MSRB3: variants seen among roughly 807,000 people sequenced by gnomAD.
MSRB3 encodes methionine sulfoxide reductase B3.
A neutral mutation model predicts 21.0 loss-of-function variants in MSRB3; 13 were observed. The observed-to-expected ratio is 0.62, with a 90% CI of 0.40 to 0.98. MSRB3 has a LOEUF of 0.98. Among genes scored for constraint, MSRB3 ranks in the 50% least tolerant of loss-of-function variants. The pLI, the probability that MSRB3 is intolerant of heterozygous loss-of-function variation, is 0.00. For missense variants in MSRB3, 199 were observed against 230.3 expected (o/e 0.86, Z 0.88); for synonymous variants, 87 against 88.6 (o/e 0.98, Z 0.10).
chr12:65,336,248 G>A (rs1875754774), intron 4 of MSRB3, among the ~76,000 whole-genome samples: 1 of 152,130 alleles, frequency 6.6e-6, no homozygotes, highest in Non-Finnish European at 1.5e-5. Flanking sequence ...AGAAAGAAAA[G>A]AACATAAAAG....
chr12:65,400,095 A>G (rs1171684437), intron 5 of MSRB3, among the ~76,000 whole-genome samples: 1 of 152,138 alleles, frequency 6.6e-6, no homozygotes, highest in Admixed American at 6.5e-5. Flanking sequence ...AGGTTTTGGT[A>G]TGAGGATGAT....
chr12:65,289,368 C>T (rs1442734444), intron 1 of MSRB3, among the ~76,000 whole-genome samples: 1 of 152,116 alleles, frequency 6.6e-6, no homozygotes, highest in Non-Finnish European at 1.5e-5. Context: ...GTGGCACGTG[C>T]CTGTAGTCCC....
Position 65,463,563 on chromosome 12 carries a change from C to T in MSRB3, c.*241C>T. 2.0e-6 allele frequency: 1 copy of T among 502,210 alleles called. No homozygotes were observed. Among genetic ancestry groups the T allele is most frequent in the Non-Finnish European group, 3.5e-6 (1 of 282,474 alleles). The allele number at this position is 502,210 out of a possible 1,614,324, so 31.1% of individuals were successfully genotyped here. ...CAGCTTTGTGAAACTTCTTCACAAG[C>T]CACTTATACCCTTTGGCATTCTTTT... On this transcript the variant is annotated 3_prime_UTR_variant, in exon 7 of 7. Coordinates refer to ENST00000308259, the MANE Select transcript of MSRB3 (RefSeq NM_001031679.3).
At chr12:65,398,107 C>T (rs1054435796) in intron 5 of MSRB3, among the ~76,000 whole-genome samples, 4 of 152,260 alleles carry the variant, frequency 2.6e-5, no homozygotes, top group South Asian at 4.1e-4. Context: ...GATTTATAAT[C>T]CTTTGAGTAT....
At chr12:65,431,732 G>C (rs929976250) in intron 5 of MSRB3, among the ~76,000 whole-genome samples, 2 of 151,980 alleles carry the variant, frequency 1.3e-5, no homozygotes, top group South Asian at 2.1e-4. Context: ...GAAATTCTTA[G>C]TGATTATTAT....
At chr12:65,375,847 A>G (rs958701828) in intron 5 of MSRB3, among the ~76,000 whole-genome samples, 1 of 150,494 alleles carries the variant, frequency 6.6e-6, no homozygotes, top group African/African-American at 2.4e-5. Flanking sequence ...ACTTTTATTA[A>G]TGTTTTTCAG....
chr12:65,346,718 G>A (rs931222100), intron 4 of MSRB3, among the ~76,000 whole-genome samples: 1 of 152,048 alleles, frequency 6.6e-6, no homozygotes, highest in African/African-American at 2.4e-5. Context: ...TATGATTTTA[G>A]GTCTAACATT....
At chr12:65,284,540 T>C (rs971770047) in intron 1 of MSRB3, 2 of 152,150 alleles carry the variant, frequency 1.3e-5, no homozygotes, top group East Asian at 3.8e-4. Context: ...GCTTTTGAGG[T>C]GCTGGTAGGA....
chr12:65,295,890 G>A (rs545909999), intron 1 of MSRB3, among the ~76,000 whole-genome samples: 1 of 152,284 alleles, frequency 6.6e-6, no homozygotes, highest in Admixed American at 6.5e-5. Flanking sequence ...TAATGTCATA[G>A]ATAATTCTCA....
At chr12:65,355,914 A>G (rs560617613) in intron 4 of MSRB3, among the ~76,000 whole-genome samples, 1 of 152,018 alleles carries the variant, frequency 6.6e-6, no homozygotes, top group East Asian at 1.9e-4. Context: ...AAAGGGCTTT[A>G]TGGGCTGAAT....
intron 4 of MSRB3, among the ~76,000 whole-genome samples, chr12:65,349,008 C>G (rs950724837): frequency 2.0e-5 from 3 of 151,968 alleles, no homozygotes; most frequent in African/African-American, 4.8e-5. Flanking sequence ...GCTGCACCCA[C>G]TAACTCGTCA....
intron 1 of MSRB3, among the ~76,000 whole-genome samples, chr12:65,294,603 C>T (rs1426979252): frequency 6.6e-6 from 1 of 152,098 alleles, no homozygotes; most frequent in Non-Finnish European, 1.5e-5. Flanking sequence ...CATGCATGTG[C>T]GAGCAATTTG....
chr12:65,441,815 T>C (rs1327970728), intron 5 of MSRB3, among the ~76,000 whole-genome samples: 2 of 152,060 alleles, frequency 1.3e-5, no homozygotes, highest in African/African-American at 4.8e-5. Context: ...TTCGATGTAA[T>C]CTATTAAACA....
chr12:65,429,163 G>A (rs951707314), intron 5 of MSRB3, among the ~76,000 whole-genome samples: 1 of 152,136 alleles, frequency 6.6e-6, no homozygotes, highest in Non-Finnish European at 1.5e-5. Flanking sequence ...ACAAATAAAT[G>A]GGATGATATT....
chr12:65,417,655 A>C (rs1333923111), intron 5 of MSRB3, among the ~76,000 whole-genome samples: 1 of 152,058 alleles, frequency 6.6e-6, no homozygotes. Flanking sequence ...CCTTCCTCTT[A>C]CCCTTGGTAA....
At chr12:65,366,209 C>T (rs912520434) in intron 4 of MSRB3, among the ~76,000 whole-genome samples, 2 of 152,138 alleles carry the variant, frequency 1.3e-5, no homozygotes, top group African/African-American at 4.8e-5. Flanking sequence ...GCTTTCTATG[C>T]CACACCTTTT....
intron 5 of MSRB3, among the ~76,000 whole-genome samples, chr12:65,407,013 A>G (rs554534010): frequency 6.6e-5 from 10 of 152,184 alleles, no homozygotes; most frequent in African/African-American, 2.4e-4. Context: ...TCTGTTCTTT[A>G]TAAAATTATC....
At chr12:65,358,753 T>G (rs1338204589) in intron 4 of MSRB3, among the ~76,000 whole-genome samples, 1 of 152,030 alleles carries the variant, frequency 6.6e-6, no homozygotes, top group Non-Finnish European at 1.5e-5. Context: ...TAGTTCATTC[T>G]CCACATAACA....
intron 4 of MSRB3, among the ~76,000 whole-genome samples, chr12:65,342,709 A>G (rs1876225116): frequency 6.6e-6 from 1 of 152,066 alleles, no homozygotes. Context: ...TACAAGAAAT[A>G]ATTTCAATGT....
Sources: gnomAD v4.1 joint callset for allele counts (sites outside exome capture counted in the v4.1 genomes callset) on GRCh38, gnomAD v4.1.1 for gene constraint, MANE v1.5 for transcripts, NCBI Gene and HGNC (gene_info 2026-07-23, HGNC 2026-07-21) for gene names.